NXPE2: variants seen among roughly 807,000 people sequenced by gnomAD.
The protein encoded by NXPE2 is NXPE family member 2.
A neutral mutation model predicts 34.4 loss-of-function variants in NXPE2; 34 were observed. The ratio of observed to expected loss-of-function variants is 0.99; its 90% confidence interval spans 0.75 to 1.31. The LOEUF is 1.31. Among genes scored for constraint, NXPE2 ranks in the 40% most tolerant of loss-of-function variants. The pLI is 0.00. For missense variants in NXPE2, 649 were observed against 672.5 expected, an observed-to-expected ratio of 0.97 and a Z score of 0.39; for synonymous variants, 235 against 231.3, an observed-to-expected ratio of 1.02 and a Z score of -0.15.
chr11:114,655,566 A>G, the NXPE2 span, among the ~76,000 whole-genome samples: 5 of 152,156 alleles, frequency 3.3e-5, no homozygotes, highest in Non-Finnish European at 4.4e-5. Context: ...TCCCAGCACC[A>G]TTTACTGAAT....
At chr11:114,709,886 A>G (rs989178932), downstream of NXPE2, among the ~76,000 whole-genome samples, 1 of 152,016 alleles carries the variant, frequency 6.6e-6, no homozygotes, top group Non-Finnish European at 1.5e-5. Flanking sequence ...TGGGTGACAG[A>G]GCGAGACTCT....
At chr11:114,737,365 C>T in the NXPE2 span, among the ~76,000 whole-genome samples, 750 of 151,920 alleles carry the variant, frequency 4.9e-3, 6 homozygotes, top group African/African-American at 0.017. Flanking sequence ...GGGGCATTAG[C>T]GGATGTCAGT....
the NXPE2 span, among the ~76,000 whole-genome samples, chr11:114,646,185 T>C: frequency 6.6e-6 from 1 of 152,090 alleles, no homozygotes; most frequent in South Asian, 2.1e-4. Flanking sequence ...AAACTAACTA[T>C]GTCTAAAGTT....
intron 5 of NXPE2, 101 bp from the exon 6 acceptor site, chr11:114,706,294 G>C: frequency 5.9e-6 from 6 of 1,022,294 alleles, no homozygotes; most frequent in East Asian, 2.6e-5. Flanking sequence ...ATAGTGCTTA[G>C]TTAGAAGTGA....
chr11:114,530,649 A>T, the NXPE2 span: 2 of 1,614,160 alleles, frequency 1.2e-6, no homozygotes, highest in Non-Finnish European at 1.7e-6. Context: ...CTCCAGTAGG[A>T]TGTCCAGCTG....
At chr11:114,678,060 G>A (rs1373723828), upstream of NXPE2, among the ~76,000 whole-genome samples, 1 of 152,094 alleles carries the variant, frequency 6.6e-6, no homozygotes, top group African/African-American at 2.4e-5. Flanking sequence ...CTTGATGTAT[G>A]CAATGGTTTA....
chr11:114,751,660 C>A, the NXPE2 span, among the ~76,000 whole-genome samples: 1 of 152,116 alleles, frequency 6.6e-6, no homozygotes, highest in African/African-American at 2.4e-5. Flanking sequence ...GTCATTGTGG[C>A]AAGCTGAATA....
the NXPE2 span, among the ~76,000 whole-genome samples, chr11:114,485,112 A>G: frequency 1.3e-5 from 2 of 152,226 alleles, no homozygotes; most frequent in East Asian, 1.9e-4. Context: ...TGATATAGGC[A>G]TACAATGTGT....
the NXPE2 span, among the ~76,000 whole-genome samples, chr11:114,740,542 GC>G: frequency 1.9e-3 from 284 of 151,956 alleles, 2 homozygotes; most frequent in African/African-American, 5.6e-3. Flanking sequence ...CACTCTCTAT[GC>G]TTTTTTTAAA....
At chr11:114,602,863 CAT>C in the NXPE2 span, among the ~76,000 whole-genome samples, 302 of 146,810 alleles carry the variant, frequency 2.1e-3, 2 homozygotes, top group African/African-American at 7.2e-3. Context: ...ATAATTATCT[CAT>C]ATATAATTAT....
At chr11:114,562,104 A>T in the NXPE2 span, among the ~76,000 whole-genome samples, 1 of 152,162 alleles carries the variant, frequency 6.6e-6, no homozygotes, top group Non-Finnish European at 1.5e-5. Flanking sequence ...TTGGCATGTC[A>T]ATTTCTTCTG....
At chr11:114,577,010 TA>T in the NXPE2 span, among the ~76,000 whole-genome samples, 8 of 1,244 alleles carry the variant, frequency 6.4e-3, no homozygotes, top group Non-Finnish European at 0.011. Context: ...TATATAAAGT[TA>T]TATATATATA....
chr11:114,624,386 T>C, the NXPE2 span, among the ~76,000 whole-genome samples: 3 of 152,024 alleles, frequency 2.0e-5, no homozygotes, highest in African/African-American at 7.3e-5. Context: ...TCCCGTTCAA[T>C]GATAAGTATT....
At chr11:114,634,478 C>T in the NXPE2 span, among the ~76,000 whole-genome samples, 5 of 151,932 alleles carry the variant, frequency 3.3e-5, no homozygotes, top group African/African-American at 9.7e-5. Flanking sequence ...TTAGATCCCA[C>T]TTGTCAATTT....
At chr11:114,575,649 T>A in the NXPE2 span, among the ~76,000 whole-genome samples, 1 of 151,966 alleles carries the variant, frequency 6.6e-6, no homozygotes, top group African/African-American at 2.4e-5. Flanking sequence ...GCCAAGGATG[T>A]CAAAGACCTC....
At chr11:114,776,943 A>G in the NXPE2 span, among the ~76,000 whole-genome samples, 1 of 152,214 alleles carries the variant, frequency 6.6e-6, no homozygotes, top group East Asian at 1.9e-4. Context: ...TAATGTCCCA[A>G]TAACTTAATA....
At chr11:114,542,771 T>C in the NXPE2 span, among the ~76,000 whole-genome samples, 4 of 152,150 alleles carry the variant, frequency 2.6e-5, no homozygotes, top group East Asian at 1.9e-4. Flanking sequence ...GGTTATATAA[T>C]GGATTAAAAT....
chr11:114,745,654 T>C, the NXPE2 span, among the ~76,000 whole-genome samples: 1 of 152,144 alleles, frequency 6.6e-6, no homozygotes, highest in African/African-American at 2.4e-5. Flanking sequence ...CTTTGGGGAA[T>C]TTTTTTACAT....
At chr11:114,768,808 C>T in the NXPE2 span, among the ~76,000 whole-genome samples, 3 of 151,952 alleles carry the variant, frequency 2.0e-5, no homozygotes, top group Non-Finnish European at 4.4e-5. Flanking sequence ...AGATTTTGGG[C>T]TGAGACAATG....
Sources: gnomAD v4.1 joint callset for allele counts (sites outside exome capture counted in the v4.1 genomes callset) on GRCh38, gnomAD v4.1.1 for gene constraint, MANE v1.5 for transcripts, NCBI Gene and HGNC (gene_info 2026-07-23, HGNC 2026-07-21) for gene names.